Variants in HAGH observed in about 807,000 individuals in gnomAD.
HAGH encodes the protein hydroxyacylglutathione hydrolase, mitochondrial.
Under a neutral mutation model 35.1 loss-of-function variants are expected in HAGH, and 29 were observed. The ratio of observed to expected loss-of-function variants is 0.83; its 90% CI spans 0.62 to 1.13. The LOEUF (loss-of-function observed/expected upper bound fraction) is 1.13, where lower values mean the gene tolerates loss of function less well. Ranked by LOEUF, HAGH falls within the 50% of genes most tolerant of loss-of-function variation. HAGH has a pLI of 0.00. For missense variants in HAGH, 478 were observed against 419.6 expected (o/e 1.14, Z -1.22); for synonymous variants, 225 against 176.1 (o/e 1.28, Z -2.20).
chr16:1,824,584 C>A (rs1383845989), intron 1 of HAGH, among the ~76,000 whole-genome samples: 1 of 152,238 alleles, frequency 6.6e-6, no homozygotes, highest in African/African-American at 2.4e-5. Context: ...GAGGACAGTG[C>A]AGTCCTGGGG....
intron 7 of HAGH, among the ~76,000 whole-genome samples, chr16:1,813,060 C>T (rs891068125): frequency 3.3e-5 from 5 of 152,238 alleles, no homozygotes; most frequent in African/African-American, 9.6e-5. Context: ...CACGGGGCTG[C>T]GGCTGGGATG....
In HAGH at chr16:1,822,107, C is replaced by T. The variant is rs113830163; in HGVS notation, c.314+193G>A. On this transcript the variant is annotated intron_variant, in intron 3 of 8. Transcript: ENST00000397356. ...AACCTTCTCCCCTCACCCTCGGGGC[C>T]TCAGAGTCACTGAGCACCAGACTTG... The T allele has an allele frequency of 4.8e-4, 285 of 592,682 alleles. 1 individual carries two copies. The highest frequency in any genetic ancestry group is 4.7e-3 in the African/African-American group (256 of 54,348). The allele number at this position is 592,682 out of a possible 1,614,324, so 36.7% of individuals were successfully genotyped here.
intron 1 of HAGH, among the ~76,000 whole-genome samples, chr16:1,824,391 G>T (rs955366992): frequency 6.6e-6 from 1 of 152,194 alleles, no homozygotes; most frequent in Non-Finnish European, 1.5e-5. Flanking sequence ...TCTGCCACAG[G>T]GGCCCAGAAG....
In HAGH at chr16:1,808,110, T is replaced by C. The variant is rs1897480556; in HGVS notation, c.*1173A>G. 1 of 152,076 alleles carries C rather than the reference T, an allele frequency of 6.6e-6. No homozygotes were observed. Among genetic ancestry groups the C allele is most frequent in the Non-Finnish European group, 1.5e-5 (1 of 68,014 alleles). 9.4% of individuals were successfully genotyped at this position (152,076 alleles called of 1,614,324 possible). On this transcript the variant is annotated 3_prime_UTR_variant, in exon 9 of 9. Coordinates refer to ENST00000397356, the MANE Select transcript of HAGH (RefSeq NM_005326.6). ...ATGGACTAAATACCACTCAACTGCA[T>C]GATTAATTAATTTCTTTGAGACAGG...
chr16:1,813,088 A>G (rs1897737635), intron 7 of HAGH, among the ~76,000 whole-genome samples: 1 of 152,360 alleles, frequency 6.6e-6, no homozygotes, highest in South Asian at 2.1e-4. Context: ...CTCCAAACGC[A>G]TGCTCAAATC....
intron 1 of HAGH, 83 bp downstream of exon 1, chr16:1,826,629 T>C: frequency 1.0e-6 from 1 of 975,284 alleles, no homozygotes; most frequent in Non-Finnish European, 1.2e-6. Flanking sequence ...GCGTCAGCGG[T>C]CGCCAAACGA....
At chr16:1,827,000 G>A (rs961215462), upstream of HAGH, 2 of 661,682 alleles carry the variant, frequency 3.0e-6, no homozygotes, top group Admixed American at 3.4e-5. Context: ...GAGCGGCGGC[G>A]GCGGCCCGAG....
chr16:1,822,060 T>G (rs1596937692), intron 3 of HAGH: 3 of 500,348 alleles, frequency 6.0e-6, no homozygotes, highest in Admixed American at 3.3e-5. Context: ...AGCCGGGGGG[T>G]GGGGCCTGAG....
At chr16:1,822,801 A>G (rs1325301330) in intron 2 of HAGH, 64 bp downstream of exon 2, 1 of 1,412,206 alleles carries the variant, frequency 7.1e-7, no homozygotes, top group Non-Finnish European at 1.0e-6. Flanking sequence ...TAGGAAACCC[A>G]TCGGGGGTGA....
chr16:1,809,171 A>AG lies in HAGH; in HGVS notation c.*111dup, dbSNP rs1402369789. On this transcript the variant is annotated 3_prime_UTR_variant, in exon 9 of 9. Transcript: ENST00000397356. ...TTAGAATGTCCGATAACACAAGCCAAGGGCTGTAAAATTAAGGTTAAATCA... is the reference window on the plus strand; with the variant it reads ...TTAGAATGTCCGATAACACAAGCCAAGGGGCTGTAAAATTAAGGTTAAATCA... 1 of 714,448 alleles carries AG rather than the reference A, an allele frequency of 1.4e-6. No homozygotes were observed. Among genetic ancestry groups the AG allele is most frequent in the East Asian group, 2.5e-5 (1 of 39,978 alleles). 44.3% of individuals were successfully genotyped at this position (714,448 alleles called of 1,614,324 possible).
Position 1,819,196 on chromosome 16 carries a change from C to T in HAGH, c.460G>A (p.Ala154Thr), listed in dbSNP as rs760832945. Residue 154 changes from alanine (A) to threonine (T), a missense_variant, in exon 5 of 9, where the codon GCG (alanine) becomes ACG (threonine). Physicochemically the swap from Ala to Thr is moderately conservative, Grantham distance 58 (BLOSUM62 0). Transcript: ENST00000397356. ...QVGSLNVKCLATPCHTSGHIC... is the reference protein window; with the variant it reads ...QVGSLNVKCLTTPCHTSGHIC... ...TGTCCTGAAGTGTGGCACGGGGTCG[C>T]CAGGCACTTGACGTTCAGAGACCCC... The T allele has an allele frequency of 6.2e-7, 1 of 1,612,364 alleles. No individual in the cohort carries two copies. Among genetic ancestry groups the T allele is most frequent in the Middle Eastern group, 1.7e-4 (1 of 6,054 alleles).
At chr16:1,820,242 GT>G in intron 3 of HAGH, among the ~76,000 whole-genome samples, 1 of 149,966 alleles carries the variant, frequency 6.7e-6, no homozygotes, top group African/African-American at 2.5e-5. Context: ...CCACCTGCAC[GT>G]CTTTACAAAG....
At chr16:1,817,909 G>T (rs1230841297) in intron 5 of HAGH, among the ~76,000 whole-genome samples, 1 of 152,270 alleles carries the variant, frequency 6.6e-6, no homozygotes, top group South Asian at 2.1e-4. Flanking sequence ...TGAGAGGAGG[G>T]TGCCCAGCAC....
intron 7 of HAGH, among the ~76,000 whole-genome samples, chr16:1,812,926 T>C (rs11644716): frequency 0.057 from 8,664 of 152,204 alleles, 268 homozygotes; most frequent in East Asian, 0.12. Context: ...CCAGCTGGTG[T>C]GCCCACGCCT....
intron 6 of HAGH, 54 bp downstream of exon 6, chr16:1,817,114 C>T (rs974388096): frequency 4.3e-6 from 6 of 1,384,332 alleles, no homozygotes; most frequent in Non-Finnish European, 6.2e-6. Context: ...GGGAGAGCAG[C>T]CCCGCCCTGG....
At chr16:1,819,023 G>T in intron 5 of HAGH, 92 bp downstream of exon 5, 1 of 780,350 alleles carries the variant, frequency 1.3e-6, no homozygotes, top group South Asian at 1.5e-5. Flanking sequence ...GTGCAACAGA[G>T]AAGGCCACGA....
At chr16:1,822,210 C>T (rs769969327) in intron 3 of HAGH, 90 bp downstream of exon 3, 7 of 800,928 alleles carry the variant, frequency 8.7e-6, no homozygotes, top group Admixed American at 2.0e-5. Context: ...CAGACAGAGC[C>T]GTGGGGGGAG....
In HAGH at chr16:1,826,727, C is replaced by T. The variant is rs1177432705; in HGVS notation, c.61G>A (p.Ala21Thr). 3.3e-5 allele frequency: 38 copies of T among 1,159,436 alleles called. No individual in the cohort carries two copies. The highest frequency in any genetic ancestry group is 4.0e-5 in the Non-Finnish European group (38 of 941,950). The allele number at this position is 1,159,436 out of a possible 1,614,324, so 71.8% of individuals were successfully genotyped here. The change falls in exon 1 of 9, where the codon GCC becomes ACC. Residue 21 changes from alanine (A) to threonine (T), a missense_variant. By Grantham distance (58) the Ala-to-Thr change is moderately conservative. Coordinates refer to ENST00000397356, the MANE Select transcript of HAGH (RefSeq NM_005326.6). ...RSLAALGAAC[A>T]RRGLGPALLG... ...CCGCACCCACCGAGGCCTCGGCGGG[C>T]GCAGGCGGCTCCCAGCGCGGCGAGG...
chr16:1,819,820 A>C, intron 4 of HAGH, 77 bp downstream of exon 4: 1 of 873,218 alleles, frequency 1.1e-6, no homozygotes, highest in Non-Finnish European at 2.0e-6. Flanking sequence ...GGGAGCAGAG[A>C]GAATGCGGGG....
Sources: allele counts gnomAD v4.1 joint callset (sites outside exome capture counted in the v4.1 genomes callset), GRCh38; gene constraint gnomAD v4.1.1; transcripts MANE v1.5; gene names NCBI Gene and HGNC (gene_info 2026-07-23, HGNC 2026-07-21).